ATP8B1: variants seen among roughly 807,000 people sequenced by gnomAD.
ATP8B1 encodes the protein phospholipid-transporting ATPase IC.
In ATP8B1, 80 loss-of-function variants were observed where a neutral mutation model predicts 149.9. That is an observed-to-expected ratio of 0.53 (90% CI 0.45 to 0.64). ATP8B1 has a LOEUF of 0.64. ATP8B1 is among the 30% of genes least tolerant of loss of function. The probability of loss-of-function intolerance (pLI) is 0.00; values close to 1 mark genes in which losing one functional copy is unlikely to be tolerated. For missense variants in ATP8B1, 1,247 were observed against 1,552.6 expected (o/e 0.80, Z 3.31); for synonymous variants, 536 against 562.8 (o/e 0.95, Z 0.67).
chr18:57,676,735 A>AAAAG (rs1555690695), intron 15 of ATP8B1, among the ~76,000 whole-genome samples: 4 of 151,050 alleles, frequency 2.6e-5, no homozygotes, highest in South Asian at 2.1e-4. Flanking sequence ...AAAAAAAAAA[A>AAAAG]AAAGAAAGAA....
intron 1 of ATP8B1, among the ~76,000 whole-genome samples, chr18:57,776,947 ATC>A (rs967210928): frequency 6.0e-5 from 9 of 151,132 alleles, no homozygotes; most frequent in African/African-American, 1.9e-4. Flanking sequence ...TCGTTATGCA[ATC>A]TGTTATCTTC....
At chr18:57,652,253 G>A (rs1387788376) in intron 25 of ATP8B1, 81 bp from the exon 26 acceptor site, 1 of 1,573,214 alleles carries the variant, frequency 6.4e-7, no homozygotes, top group Non-Finnish European at 8.7e-7. Flanking sequence ...CCTGAAAACA[G>A]AATTCAGCAA....
At chr18:57,758,331 CTG>C (rs1429104421) in intron 1 of ATP8B1, among the ~76,000 whole-genome samples, 2 of 151,932 alleles carry the variant, frequency 1.3e-5, no homozygotes, top group Non-Finnish European at 2.9e-5. Context: ...TTTATCCGTC[CTG>C]TGTGTTTTAC....
chr18:57,700,877 A>C, intron 6 of ATP8B1, among the ~76,000 whole-genome samples, 162 bp downstream of exon 6: 1 of 152,236 alleles, frequency 6.6e-6, no homozygotes, highest in East Asian at 1.9e-4. Context: ...AGATAACGCT[A>C]CTGCACTCCA....
chr18:57,780,987 C>T (rs994386217), intron 1 of ATP8B1, among the ~76,000 whole-genome samples: 31 of 152,170 alleles, frequency 2.0e-4, no homozygotes, highest in African/African-American at 7.0e-4. Flanking sequence ...CTGGCCAGGC[C>T]GGCTGCTCAA....
chr18:57,661,696 C>CAT (rs1555688767), intron 21 of ATP8B1, among the ~76,000 whole-genome samples: 1,519 of 90,238 alleles, frequency 0.017, 64 homozygotes, highest in East Asian at 0.11. Context: ...CACACACACA[C>CAT]ATATATATAT....
At chr18:57,733,746 C>T (rs2079816315) in intron 1 of ATP8B1, among the ~76,000 whole-genome samples, 1 of 150,690 alleles carries the variant, frequency 6.6e-6, no homozygotes, top group Non-Finnish European at 1.5e-5. Context: ...GCAAAAACAA[C>T]TGCTTCACAA....
chr18:57,699,606 C>G (rs1913012179), intron 6 of ATP8B1, among the ~76,000 whole-genome samples: 3 of 152,188 alleles, frequency 2.0e-5, no homozygotes, highest in African/African-American at 7.2e-5. Flanking sequence ...CGCCTGTAGT[C>G]CCAGCTACTC....
chr18:57,750,330 C>T (rs1205774287), intron 1 of ATP8B1, among the ~76,000 whole-genome samples: 1 of 152,206 alleles, frequency 6.6e-6, no homozygotes, highest in Non-Finnish European at 1.5e-5. Flanking sequence ...CACTGCACAA[C>T]TCAAAGAAAA....
At chr18:57,692,214 G>A (rs1038978425) in intron 11 of ATP8B1, among the ~76,000 whole-genome samples, 2 of 152,134 alleles carry the variant, frequency 1.3e-5, no homozygotes, top group Admixed American at 6.6e-5. Context: ...CCCATAGAAG[G>A]TAAGGTTTTG....
chr18:57,757,506 T>TAC (rs1392321796), intron 1 of ATP8B1, among the ~76,000 whole-genome samples: 4 of 150,560 alleles, frequency 2.7e-5, no homozygotes, highest in Admixed American at 1.3e-4. Context: ...AAAAAATGTA[T>TAC]ACACACACAC....
At position 57,680,620 on chromosome 18, in the gene ATP8B1, A is replaced by AAAACAAAACAAAACAAAAC. The variant is rs1568193464; in HGVS notation, c.1630+3415_1630+3416insGTTTTGTTTTGTTTTGTTT. Among the ~76,000 whole-genome samples the AAAACAAAACAAAACAAAAC allele has an allele frequency of 2.3e-5, 3 of 133,116 alleles. No homozygotes were observed. In the East Asian group the frequency reaches 6.4e-4, roughly 28 times the overall value. 87.3% of individuals were successfully genotyped at this position (133,116 alleles called of 152,430 possible). ...CAAAACAAAACAAAACAAAACAAAA[A>AAAACAAAACAAAACAAAAC]AAAAACCACACACGCTCACAAAAAC... is the stretch of plus-strand genomic sequence containing the variant. On this transcript the variant is annotated intron_variant, in intron 15 of 27. Transcript: ENST00000648908.
intron 2 of ATP8B1, among the ~76,000 whole-genome samples, chr18:57,727,339 G>A (rs773945306): frequency 1.3e-5 from 2 of 152,122 alleles, no homozygotes; most frequent in Non-Finnish European, 2.9e-5. Context: ...CTTATTAAGT[G>A]GAACAGCTCC....
chr18:57,693,882 G>A (rs577762064), intron 11 of ATP8B1, among the ~76,000 whole-genome samples: 36 of 152,072 alleles, frequency 2.4e-4, no homozygotes, highest in Non-Finnish European at 3.8e-4. Context: ...TTTCACATGT[G>A]GTGTCATTAA....
intron 1 of ATP8B1, among the ~76,000 whole-genome samples, chr18:57,773,375 C>A (rs9954140): frequency 0.38 from 57,241 of 151,774 alleles, 11,123 homozygotes; most frequent in East Asian, 0.59. Context: ...GGTGGGATTT[C>A]TGGCAGAACT....
At chr18:57,783,569 C>G (rs1849839097) in intron 1 of ATP8B1, among the ~76,000 whole-genome samples, 1 of 152,160 alleles carries the variant, frequency 6.6e-6, no homozygotes, top group African/African-American at 2.4e-5. Context: ...GGCATAGTGG[C>G]TCATACCTGC....
intron 21 of ATP8B1, among the ~76,000 whole-genome samples, chr18:57,662,264 C>G (rs1264221990): frequency 6.6e-6 from 1 of 152,064 alleles, no homozygotes; most frequent in Admixed American, 6.6e-5. Context: ...AATGAAAAAA[C>G]CCATTAATTA....
chr18:57,677,252 G>A (rs1021742815), intron 15 of ATP8B1, among the ~76,000 whole-genome samples: 1 of 152,140 alleles, frequency 6.6e-6, no homozygotes, highest in African/African-American at 2.4e-5. Context: ...AAGAGTATTG[G>A]TTTGTGAAAA....
In ATP8B1 at chr18:57,706,523, T is replaced by C. The variant is rs34623939; in HGVS notation, c.246A>G (p.Thr82=). Residue 82 remains threonine (T), a synonymous_variant, in exon 3 of 28, where the codon ACA becomes ACG. Transcript: ENST00000648908. ...TACTCTCCTTAATACACAAGAATTT[T>C]GTGTTCATAAAGTGAGGTTGTTCGT... ...KYHEQPHFMN[T]KFLCIKESKY... 4.3e-3 allele frequency: 6,972 copies of C among 1,614,048 alleles called. 15 individuals are homozygous for C. The highest frequency in any genetic ancestry group is 5.2e-3 in the Non-Finnish European group (6,191 of 1,179,950).
Sources: gnomAD v4.1 joint callset for allele counts (sites outside exome capture counted in the v4.1 genomes callset) on GRCh38, gnomAD v4.1.1 for gene constraint, MANE v1.5 for transcripts, NCBI Gene and HGNC (gene_info 2026-07-23, HGNC 2026-07-21) for gene names.